The following DISP3 variants were observed in gnomAD, a reference collection of about 807,000 sequenced individuals.
DISP3 encodes protein dispatched homolog 3.
A neutral mutation model predicts 135.3 loss-of-function variants in DISP3; 101 were observed. The ratio of observed to expected loss-of-function variants is 0.75; its 90% CI spans 0.64 to 0.88. DISP3 has a LOEUF of 0.88. Ranked by LOEUF, DISP3 falls within the 40% of genes least tolerant of loss-of-function variation. The pLI is 0.00. For synonymous variants in DISP3, 856 were observed against 817.0 expected, an observed-to-expected ratio of 1.05 and a Z score of -0.81; for missense variants, 1,713 against 1,878.6, an observed-to-expected ratio of 0.91 and a Z score of 1.63.
intron 12 of DISP3, 152 bp from the exon 13 acceptor site, chr1:11,526,499 T>C: frequency 1.2e-6 from 1 of 848,854 alleles, no homozygotes; most frequent in Non-Finnish European, 1.9e-6. Context: ...AACCCAGGCC[T>C]CCCAAGCCTC....
chr1:11,486,781 A>T (rs980812261), intron 1 of DISP3, among the ~76,000 whole-genome samples: 3 of 152,104 alleles, frequency 2.0e-5, no homozygotes, highest in African/African-American at 7.2e-5. Context: ...GAGCTCAAGC[A>T]ATCCTCCCCC....
intron 1 of DISP3, among the ~76,000 whole-genome samples, chr1:11,487,140 TATG>T (rs1641057939): frequency 5.9e-5 from 9 of 152,196 alleles, no homozygotes; most frequent in Admixed American, 4.6e-4. Flanking sequence ...TGACCCCAAG[TATG>T]GACAAAGGGA....
In DISP3 at chr1:11,501,315, T is replaced by C. The variant is rs1274325987; in HGVS notation, c.323T>C (p.Phe108Ser). ...PLDIDISYNA[F>S]EIRNHEASQR... ...GACATTGACATCTCCTACAACGCCT[T>C]TGAGATCCGCAACCACGAGGCCTCA... Residue 108 changes from phenylalanine (F) to serine (S), a missense_variant, in exon 2 of 21, where the codon TTT (phenylalanine) becomes TCT (serine). By Grantham distance (155) the Phe-to-Ser change is radical (BLOSUM62 -2). Transcript: ENST00000294484. This position sits in a 1 kb window ranked among gnomAD's most constrained non-coding sequence, Gnocchi z 4.9. 2 of 1,613,958 alleles carry C rather than the reference T, an allele frequency of 1.2e-6. No homozygotes were observed. The highest frequency in any genetic ancestry group is 1.7e-6 in the Non-Finnish European group (2 of 1,179,996).
At chr1:11,496,932 G>T (rs1313442527) in intron 1 of DISP3, among the ~76,000 whole-genome samples, 3 of 152,238 alleles carry the variant, frequency 2.0e-5, no homozygotes, top group Admixed American at 2.0e-4. Context: ...TGGTGGCTGG[G>T]CCAGGCCTGG....
chr1:11,526,557 A>C, intron 12 of DISP3, 94 bp from the exon 13 acceptor site: 1 of 1,384,766 alleles, frequency 7.2e-7, no homozygotes, highest in Admixed American at 1.8e-5. Flanking sequence ...AGGGTGAACT[A>C]TGCCGAGGAG....
At position 11,483,783 on chromosome 1, in the gene DISP3, ATGGGACTCAAGC is replaced by A. The variant is rs1369843802; in HGVS notation, c.-4+4414_-4+4425del. Among the ~76,000 whole-genome samples, 1 of 152,216 alleles carries A rather than the reference ATGGGACTCAAGC, an allele frequency of 6.6e-6. No individual in the cohort carries two copies. The highest frequency in any genetic ancestry group is 2.4e-5 in the African/African-American group (1 of 41,456). ...AGCTGAGTCCCCGTGAGAGTCTGGA[ATGGGACTCAAGC>A]TGTGAACCTTGGAGTGTGAAAGACA... On this transcript the variant is annotated intron_variant, in intron 1 of 20. Coordinates refer to ENST00000294484, the MANE Select transcript of DISP3 (RefSeq NM_020780.2). The surrounding 1 kb of genome is among the most constrained non-coding windows in gnomAD (Gnocchi z 5.4).
At chr1:11,530,839 G>A (rs992320337) in intron 15 of DISP3, 68 bp from the exon 16 acceptor site, 1 of 1,591,620 alleles carries the variant, frequency 6.3e-7, no homozygotes, top group South Asian at 1.1e-5. Context: ...AGGGTTGGGG[G>A]TGAGCACCCA....
chr1:11,511,858 A>G (rs1057339219), intron 3 of DISP3, among the ~76,000 whole-genome samples: 4 of 152,172 alleles, frequency 2.6e-5, no homozygotes, highest in African/African-American at 7.2e-5. Context: ...GTTTCCATAT[A>G]TCTTCTGAAA....
chr1:11,509,574 C>A (rs1292219094), intron 3 of DISP3, among the ~76,000 whole-genome samples: 2 of 152,090 alleles, frequency 1.3e-5, no homozygotes, highest in Admixed American at 1.3e-4. Context: ...TTTTAAAACT[C>A]TGTTATTAGC....
At chr1:11,522,148 G>T (rs779172390) in intron 10 of DISP3, among the ~76,000 whole-genome samples, 3 of 152,184 alleles carry the variant, frequency 2.0e-5, no homozygotes, top group Non-Finnish European at 4.4e-5. Context: ...GCATTTTACA[G>T]AGGGGGAGCA....
Position 11,516,926 on chromosome 1 carries a change from G to A in DISP3, c.1750-537G>A, listed in dbSNP as rs1487605527. On this transcript the variant is annotated intron_variant, in intron 6 of 20. Coordinates refer to ENST00000294484, the MANE Select transcript of DISP3 (RefSeq NM_020780.2). The surrounding 1 kb of genome is among the most constrained non-coding windows in gnomAD (Gnocchi z 5.1). ...GTGGATTATCCAGGGACTGAGATGC[G>A]AGGATGATTGTGAAAGTGTTTCACA... 1.3e-5 allele frequency among the ~76,000 whole-genome samples: 2 copies of A among 152,170 alleles called. No homozygotes were observed. Among genetic ancestry groups the A allele is most frequent in the Admixed American group, 6.5e-5 (1 of 15,280 alleles).
intron 3 of DISP3, among the ~76,000 whole-genome samples, chr1:11,505,384 T>C (rs1641667709): frequency 6.6e-6 from 1 of 152,166 alleles, no homozygotes; most frequent in Admixed American, 6.5e-5. Context: ...CTTGGCTGGG[T>C]TGGGAAACTG....
chr1:11,528,692 G>A (rs139216236), intron 13 of DISP3, among the ~76,000 whole-genome samples: 3 of 152,328 alleles, frequency 2.0e-5, no homozygotes, highest in Non-Finnish European at 4.4e-5. Context: ...TGATACGCGG[G>A]GACTGTGGTC....
chr1:11,480,961 G>T (rs1010723029), intron 1 of DISP3, among the ~76,000 whole-genome samples: 6 of 150,338 alleles, frequency 4.0e-5, no homozygotes, highest in African/African-American at 1.5e-4. Context: ...CCTTAGTCCA[G>T]ACACACACAT....
intron 1 of DISP3, among the ~76,000 whole-genome samples, chr1:11,494,772 T>C (rs1363733174): frequency 1.3e-5 from 2 of 152,254 alleles, no homozygotes; most frequent in African/African-American, 4.8e-5. Context: ...AAATTGTATA[T>C]ACATATACGT....
Position 11,501,953 on chromosome 1 carries a change from G to T in DISP3, c.961G>T (p.Val321Leu). The stretch of plus-strand genomic sequence containing the variant: ...GGAGTTCTGCTGGAAGCCCCACGAG[G>T]TGCTCAAGGATCTGCCGCTGGGCTC... ...FREFCWKPHE[V>L]LKDLPLGSYS... The change falls in exon 2 of 21, where the codon GTG becomes TTG. Residue 321 changes from valine to leucine, a missense_variant. By Grantham distance (32) the Val-to-Leu change is conservative. Transcript: ENST00000294484. The surrounding 1 kb of genome is among the most constrained non-coding windows in gnomAD (Gnocchi z 4.9). 1 of 1,613,872 alleles carries T rather than the reference G, an allele frequency of 6.2e-7. No homozygotes were observed. The highest frequency in any genetic ancestry group is 1.7e-5 in the Admixed American group (1 of 60,020).
rs377313108 is a variant in DISP3 at position 11,501,468 on chromosome 1, T to C, written c.476T>C (p.Leu159Pro). 2.5e-6 allele frequency: 4 copies of C among 1,603,804 alleles called. No individual in the cohort carries two copies. The African/African-American group carries it at 4.0e-5, about 16-fold the overall frequency. Residue 159 changes from leucine to proline, a missense_variant, in exon 2 of 21, where the codon CTG becomes CCG. Leu to Pro is a moderately conservative substitution (Grantham distance 98). Coordinates refer to ENST00000294484, the MANE Select transcript of DISP3 (RefSeq NM_020780.2). The surrounding 1 kb of genome is among the most constrained non-coding windows in gnomAD (Gnocchi z 4.9). ...CTTATCTCAGAGCAGCTGCAGCAGC[T>C]GCATCTCGGCAACCGCTCGCGGCAA... Reference protein sequence around the residue: ...QRLISEQLQQLHLGNRSRQAS... With the variant: ...QRLISEQLQQPHLGNRSRQAS...
intron 10 of DISP3, among the ~76,000 whole-genome samples, chr1:11,523,591 T>G (rs375409495): frequency 3.8e-3 from 145 of 38,090 alleles, no homozygotes; most frequent in Admixed American, 5.4e-3. Flanking sequence ...GGCACAGAGA[T>G]GGCAAGCAGG....
At chr1:11,513,751 A>T (rs974379049) in intron 3 of DISP3, among the ~76,000 whole-genome samples, 3 of 152,330 alleles carry the variant, frequency 2.0e-5, no homozygotes, top group African/African-American at 7.2e-5. Context: ...CTCTCAAAGC[A>T]CTAAGCCAGG....
Sources: allele counts gnomAD v4.1 joint callset (sites outside exome capture counted in the v4.1 genomes callset), GRCh38; gene constraint gnomAD v4.1.1; non-coding constraint Gnocchi (gnomAD v3.1); transcripts MANE v1.5; gene names NCBI Gene and HGNC (gene_info 2026-07-23, HGNC 2026-07-21).